The following GPC6 variants were observed in gnomAD, a reference collection of about 807,000 sequenced individuals.
GPC6 encodes glypican-6.
Under a neutral mutation model 55.2 loss-of-function variants are expected in GPC6, and 14 were observed. The observed-to-expected ratio is 0.25, with a 90% CI of 0.17 to 0.40. GPC6 has a LOEUF of 0.40. Ranked by LOEUF, GPC6 falls within the 10% of genes least tolerant of loss-of-function variation. The probability of loss-of-function intolerance (pLI) is 1.00; values close to 1 mark genes in which losing one functional copy is unlikely to be tolerated. For missense variants in GPC6, 641 were observed against 708.5 expected (o/e 0.90, Z 1.08); for synonymous variants, 278 against 259.6 (o/e 1.07, Z -0.68).
chr13:93,341,907 C>T (rs1397297179), intron 1 of GPC6, among the ~76,000 whole-genome samples: 1 of 148,658 alleles, frequency 6.7e-6, no homozygotes, highest in Non-Finnish European at 1.5e-5. Context: ...CTTGAGTTAA[C>T]TTTTTTTTTC....
chr13:93,882,827 GAATTACCAT>G (rs1875079388), intron 3 of GPC6, among the ~76,000 whole-genome samples: 1 of 152,086 alleles, frequency 6.6e-6, no homozygotes, highest in Non-Finnish European at 1.5e-5. Context: ...CACCTGCAGT[GAATTACCAT>G]AAACCTCATG....
At chr13:94,263,000 T>C (rs1891698951) in intron 4 of GPC6, among the ~76,000 whole-genome samples, 1 of 152,182 alleles carries the variant, frequency 6.6e-6, no homozygotes, top group Non-Finnish European at 1.5e-5. Flanking sequence ...ACAGAACATA[T>C]TAAAAGGAAA....
chr13:93,545,621 G>A (rs1874747962), intron 2 of GPC6, among the ~76,000 whole-genome samples, 200 bp downstream of exon 2: 1 of 151,452 alleles, frequency 6.6e-6, no homozygotes, highest in South Asian at 2.1e-4. Context: ...GTAAAACCTG[G>A]TTTAACAAAG....
At chr13:93,622,296 G>A (rs971039958) in intron 2 of GPC6, among the ~76,000 whole-genome samples, 2 of 152,120 alleles carry the variant, frequency 1.3e-5, no homozygotes, top group African/African-American at 4.8e-5. Flanking sequence ...TCACAAAGTG[G>A]GTCCTCTGAT....
intron 3 of GPC6, among the ~76,000 whole-genome samples, chr13:93,841,375 A>G (rs918989989): frequency 6.6e-6 from 1 of 152,182 alleles, no homozygotes; most frequent in South Asian, 2.1e-4. Flanking sequence ...TACATTTTGT[A>G]GATTTCCTCC....
chr13:93,509,271 A>G (rs533860411), intron 1 of GPC6, among the ~76,000 whole-genome samples: 1 of 152,362 alleles, frequency 6.6e-6, no homozygotes, highest in Admixed American at 6.5e-5. Context: ...AGGTGATGAC[A>G]TGTTAAAAGC....
rs1013340808 is a variant in GPC6, at chr13:94,133,294, C to T, written c.877+105400C>T. Reference sequence around the variant, plus strand: ...AAAAAAAAAAAAAAAAAAAAAAAACCTTAAGTGCTTTTAAAACACATGGCT... The same window carrying T: ...AAAAAAAAAAAAAAAAAAAAAAAACTTTAAGTGCTTTTAAAACACATGGCT... On this transcript the variant is annotated intron_variant, in intron 4 of 8. Coordinates refer to ENST00000377047, the MANE Select transcript of GPC6 (RefSeq NM_005708.5). Among the ~76,000 whole-genome samples, 151 of 135,238 alleles carry T rather than the reference C, an allele frequency of 1.1e-3. 1 individual carries two copies. Among genetic ancestry groups the T allele is most frequent in the Admixed American group, 1.8e-3 (24 of 13,456 alleles). 88.7% of individuals were successfully genotyped at this position (135,238 alleles called of 152,430 possible). A position where few individuals can be genotyped will look rare whatever the true frequency, so the allele number is the denominator to read the frequency against.
At chr13:93,948,467 A>T (rs1438889510) in intron 3 of GPC6, among the ~76,000 whole-genome samples, 1 of 152,188 alleles carries the variant, frequency 6.6e-6, no homozygotes, top group Non-Finnish European at 1.5e-5. Context: ...TTCACTATAA[A>T]TTCATGAACT....
chr13:93,970,660 C>T (rs1368802488), intron 3 of GPC6, among the ~76,000 whole-genome samples: 1 of 152,098 alleles, frequency 6.6e-6, no homozygotes, highest in East Asian at 1.9e-4. Flanking sequence ...TGTTTATCAC[C>T]CCATTAATTA....
At chr13:93,777,689 G>T (rs553051847) in intron 2 of GPC6, among the ~76,000 whole-genome samples, 1 of 152,210 alleles carries the variant, frequency 6.6e-6, no homozygotes, top group Admixed American at 6.5e-5. Flanking sequence ...GCTGTCCTGA[G>T]AATTCCAAAG....
intron 6 of GPC6, among the ~76,000 whole-genome samples, chr13:94,339,471 A>G (rs1447264302): frequency 6.6e-6 from 1 of 152,190 alleles, no homozygotes; most frequent in African/African-American, 2.4e-5. Context: ...GGCCTGTGAT[A>G]GTCAGGGATA....
intron 1 of GPC6, among the ~76,000 whole-genome samples, chr13:93,529,774 C>G (rs1881794442): frequency 1.3e-5 from 2 of 152,068 alleles, no homozygotes; most frequent in South Asian, 2.1e-4. Context: ...CTCAGCCTCC[C>G]AAAGTGCTGG....
chr13:94,070,853 A>G (rs989412620), intron 4 of GPC6, among the ~76,000 whole-genome samples: 1 of 152,222 alleles, frequency 6.6e-6, no homozygotes, highest in Non-Finnish European at 1.5e-5. Context: ...GTGCGTCTCA[A>G]CAATGAGTCT....
chr13:93,787,048 C>T (rs1017403193), intron 2 of GPC6, among the ~76,000 whole-genome samples: 2 of 152,162 alleles, frequency 1.3e-5, no homozygotes, highest in African/African-American at 4.8e-5. Flanking sequence ...CAACTGATCA[C>T]ACAGCAATGA....
intron 3 of GPC6, among the ~76,000 whole-genome samples, chr13:93,902,287 GA>G (rs1876404222): frequency 6.6e-6 from 1 of 151,938 alleles, no homozygotes; most frequent in Admixed American, 6.6e-5. Context: ...TTCCACATAT[GA>G]GTGAGATCAT....
chr13:93,235,008 T>G (rs1447814956), intron 1 of GPC6, among the ~76,000 whole-genome samples: 2 of 152,176 alleles, frequency 1.3e-5, no homozygotes, highest in Non-Finnish European at 2.9e-5. Flanking sequence ...CTTTCTGCTC[T>G]GTCAGTGAAA....
intron 3 of GPC6, among the ~76,000 whole-genome samples, chr13:93,965,595 C>T (rs1454375669): frequency 6.6e-6 from 1 of 152,108 alleles, no homozygotes; most frequent in Non-Finnish European, 1.5e-5. Context: ...TTCTTTCTGT[C>T]TCACCCTCTT....
intron 1 of GPC6, among the ~76,000 whole-genome samples, chr13:93,231,946 A>G (rs1876076969): frequency 6.6e-6 from 1 of 152,186 alleles, no homozygotes; most frequent in East Asian, 1.9e-4. Flanking sequence ...CTAAAAATCT[A>G]CAGTTTAAAA....
At chr13:94,113,864 A>G (rs1307981400) in intron 4 of GPC6, among the ~76,000 whole-genome samples, 1 of 151,794 alleles carries the variant, frequency 6.6e-6, no homozygotes, top group Non-Finnish European at 1.5e-5. Context: ...CTACTAAAAA[A>G]TACAAAAAGT....
Sources: allele counts gnomAD v4.1 joint callset (sites outside exome capture counted in the v4.1 genomes callset), GRCh38; gene constraint gnomAD v4.1.1; transcripts MANE v1.5; gene names NCBI Gene and HGNC (gene_info 2026-07-23, HGNC 2026-07-21).